CFTR: variants seen among roughly 807,000 people sequenced by gnomAD.
The protein encoded by CFTR is cystic fibrosis transmembrane conductance regulator.
In CFTR, 181 loss-of-function variants were observed where a neutral mutation model predicts 171.6. The ratio of observed to expected loss-of-function variants is 1.05; its 90% CI spans 0.93 to 1.19. The LOEUF is 1.19. CFTR is among the 50% of genes most tolerant of loss of function. CFTR has a pLI of 0.00. For synonymous variants in CFTR, 583 were observed against 608.0 expected (o/e 0.96, Z 0.60); for missense variants, 1,968 against 1,734.7 (o/e 1.13, Z -2.39).
At chr7:117,515,033 G>T (rs1277103192) in intron 3 of CFTR, among the ~76,000 whole-genome samples, 2 of 151,532 alleles carry the variant, frequency 1.3e-5, no homozygotes, top group Non-Finnish European at 2.9e-5. Flanking sequence ...TAAGTGCCTT[G>T]TAAATTCTGG....
intron 22 of CFTR, among the ~76,000 whole-genome samples, chr7:117,637,775 G>A (rs1792849504): frequency 6.6e-6 from 1 of 152,086 alleles, no homozygotes; most frequent in Admixed American, 6.5e-5. Context: ...TACTCAGGAG[G>A]CTGAGGCAGG....
intron 11 of CFTR, among the ~76,000 whole-genome samples, chr7:117,570,968 C>T (rs1791679199): frequency 6.6e-6 from 1 of 152,188 alleles, no homozygotes. Flanking sequence ...GGAAAACCAC[C>T]TATTCTAACA....
At chr7:117,556,551 G>C (rs1382755039) in intron 10 of CFTR, among the ~76,000 whole-genome samples, 1 of 98,552 alleles carries the variant, frequency 1.0e-5, no homozygotes, top group Admixed American at 1.7e-4. Context: ...ACGGAGTCTC[G>C]CTCTGTCGCC....
At chr7:117,552,106 A>T (rs1584795222) in intron 10 of CFTR, among the ~76,000 whole-genome samples, 2 of 152,144 alleles carry the variant, frequency 1.3e-5, no homozygotes, top group Admixed American at 1.3e-4. Context: ...GACACTATAC[A>T]TGATTTATTT....
chr7:117,558,277 T>C (rs2115933550), intron 10 of CFTR, among the ~76,000 whole-genome samples: 1 of 152,260 alleles, frequency 6.6e-6, no homozygotes, highest in Non-Finnish European at 1.5e-5. Context: ...TATGTTAAAT[T>C]TTTCATTCTA....
At chr7:117,616,688 C>G (rs1283106349) in intron 21 of CFTR, among the ~76,000 whole-genome samples, 1 of 152,084 alleles carries the variant, frequency 6.6e-6, no homozygotes, top group African/African-American at 2.4e-5. Flanking sequence ...GATATCGTGC[C>G]TTTCATCTTG....
intron 17 of CFTR, among the ~76,000 whole-genome samples, chr7:117,606,426 G>A (rs906671688): frequency 4.6e-5 from 7 of 152,084 alleles, no homozygotes; most frequent in Non-Finnish European, 7.4e-5. Flanking sequence ...GAAATTGGTC[G>A]TTACTTGAAT....
rs34231750 is a variant in CFTR at position 117,494,324 on chromosome 7, G to C, written c.54-9929G>C. On this transcript the variant is annotated intron_variant, in intron 1 of 26. Transcript: ENST00000003084. ...AGTGTTAGAAAGGATTTAATAAATA[G>C]TGGTTTTTCTGTACACATAGTGAGA... is the stretch of plus-strand genomic sequence containing the variant. 1.8e-4 allele frequency among the ~76,000 whole-genome samples: 27 copies of C among 152,076 alleles called. No individual in the cohort carries two copies. In the East Asian group the frequency reaches 4.1e-3, roughly 23 times the overall value.
At chr7:117,649,420 A>G (rs1044574830) in intron 23 of CFTR, among the ~76,000 whole-genome samples, 4 of 149,094 alleles carry the variant, frequency 2.7e-5, no homozygotes, top group Non-Finnish European at 4.4e-5. Context: ...ATATATACAT[A>G]TGTATATATA....
At chr7:117,600,226 T>C (rs1051199233) in intron 15 of CFTR, among the ~76,000 whole-genome samples, 1 of 152,062 alleles carries the variant, frequency 6.6e-6, no homozygotes, top group Non-Finnish European at 1.5e-5. Context: ...TTTTCCCTAC[T>C]ACAGGGCAGT....
intron 11 of CFTR, among the ~76,000 whole-genome samples, chr7:117,580,378 G>A (rs1791832269): frequency 6.6e-6 from 1 of 151,990 alleles, no homozygotes; most frequent in Non-Finnish European, 1.5e-5. Flanking sequence ...ATTAATATCT[G>A]TTGGTGGTGG....
chr7:117,585,625 G>C (rs1325260573), intron 11 of CFTR, among the ~76,000 whole-genome samples: 1 of 151,952 alleles, frequency 6.6e-6, no homozygotes, highest in Non-Finnish European at 1.5e-5. Context: ...AAAGATTTAA[G>C]TGTTTTTTGT....
Position 117,516,547 on chromosome 7 carries a change from T to C in CFTR, c.273+7405T>C, listed in dbSNP as rs181484355. 5.4e-4 allele frequency among the ~76,000 whole-genome samples: 82 copies of C among 152,320 alleles called. 2 individuals are homozygous for C. The highest frequency in any genetic ancestry group is 1.9e-3 in the African/African-American group (80 of 41,574). The stretch of plus-strand genomic sequence containing the variant: ...TGTGAACTGATGAGCAACTGAGAAG[T>C]AACCAGGTTGTGTTATAACAGTTTG... On this transcript the variant is annotated intron_variant, in intron 3 of 26. Transcript: ENST00000003084.
chr7:117,576,562 C>G (rs73715576), intron 11 of CFTR, among the ~76,000 whole-genome samples: 3,882 of 152,178 alleles, frequency 0.026, 172 homozygotes, highest in African/African-American at 0.09. Context: ...ATTCTATCAT[C>G]TACTTGTTTA....
intron 22 of CFTR, among the ~76,000 whole-genome samples, chr7:117,638,464 T>C (rs996411173): frequency 6.6e-6 from 1 of 152,100 alleles, no homozygotes; most frequent in Non-Finnish European, 1.5e-5. Context: ...TAAAATGTCG[T>C]TCTGCTCACG....
At chr7:117,537,100 T>C (rs1210896171) in intron 7 of CFTR, among the ~76,000 whole-genome samples, 1 of 152,152 alleles carries the variant, frequency 6.6e-6, no homozygotes, top group African/African-American at 2.4e-5. Flanking sequence ...TGAAAAAAAT[T>C]GTATTTGGTT....
chr7:117,506,333 G>T (rs1313480174), intron 2 of CFTR, among the ~76,000 whole-genome samples: 1 of 152,086 alleles, frequency 6.6e-6, no homozygotes, highest in East Asian at 1.9e-4. Context: ...TGCAAACTTC[G>T]TCTCCTGGGT....
rs1205377859 is a variant in CFTR at position 117,486,205 on chromosome 7, G to A, written c.53+6058G>A. 2.6e-5 allele frequency among the ~76,000 whole-genome samples: 4 copies of A among 152,148 alleles called. No homozygotes were observed. In the East Asian group the frequency reaches 7.7e-4, roughly 29 times the overall value. ...TAGGACTACTCAGGCCTGAAGCTAT[G>A]CCTGGATATAGCCAGAAAACTCTCC... is the stretch of plus-strand genomic sequence containing the variant. On this transcript the variant is annotated intron_variant, in intron 1 of 26. Transcript: ENST00000003084.
intron 3 of CFTR, among the ~76,000 whole-genome samples, chr7:117,514,728 C>T (rs1412046430): frequency 5.3e-5 from 8 of 152,134 alleles, no homozygotes; most frequent in African/African-American, 1.7e-4. Flanking sequence ...CTTGAGGAAT[C>T]GCCACACTGT....
Sources: allele counts gnomAD v4.1 joint callset (sites outside exome capture counted in the v4.1 genomes callset), GRCh38; gene constraint gnomAD v4.1.1; transcripts MANE v1.5; gene names NCBI Gene and HGNC (gene_info 2026-07-23, HGNC 2026-07-21).